TMEM217B: variants seen among roughly 807,000 people sequenced by gnomAD.
The protein encoded by TMEM217B is transmembrane protein 217B, also known as putative transmembrane protein 217B.
the TMEM217B span, among the ~76,000 whole-genome samples, chr6:37,230,650 C>T: frequency 1.3e-5 from 2 of 152,116 alleles, no homozygotes; most frequent in South Asian, 2.1e-4. Context: ...AAAACCCCAA[C>T]GCTACTGACA....
chr6:37,250,979 G>T, the TMEM217B span, among the ~76,000 whole-genome samples: 1 of 152,182 alleles, frequency 6.6e-6, no homozygotes, highest in African/African-American at 2.4e-5. Flanking sequence ...GATGAAGGTA[G>T]ATTACTGCCC....
At chr6:37,220,004 G>A in the TMEM217B span, among the ~76,000 whole-genome samples, 2 of 152,128 alleles carry the variant, frequency 1.3e-5, no homozygotes, top group African/African-American at 4.8e-5. Flanking sequence ...GGATAGACTA[G>A]CCTTATAATA....
chr6:37,238,477 G>A, the TMEM217B span, among the ~76,000 whole-genome samples: 3 of 152,122 alleles, frequency 2.0e-5, no homozygotes, highest in Non-Finnish European at 2.9e-5. Flanking sequence ...AATGAGCCCA[G>A]ACCCAGGCAA....
At chr6:37,224,250 C>T in the TMEM217B span, among the ~76,000 whole-genome samples, 1 of 151,594 alleles carries the variant, frequency 6.6e-6, no homozygotes, top group African/African-American at 2.4e-5. Context: ...CTGCCTCAGC[C>T]TTTTAACTAG....
the TMEM217B span, chr6:37,257,699 G>T: frequency 1.8e-6 from 1 of 542,980 alleles, no homozygotes; most frequent in Non-Finnish European, 3.2e-6. Flanking sequence ...CAGGATTCCG[G>T]CTCCCAATTG....
At chr6:37,224,060 C>T in the TMEM217B span, among the ~76,000 whole-genome samples, 430 of 151,618 alleles carry the variant, frequency 2.8e-3, 2 homozygotes, top group African/African-American at 7.4e-3. Flanking sequence ...CCTCAGCCTC[C>T]CGAGTAGCTG....
chr6:37,215,251 G>A, the TMEM217B span: 2 of 1,613,878 alleles, frequency 1.2e-6, no homozygotes, highest in East Asian at 4.5e-5. Flanking sequence ...CTTGGCACTG[G>A]AGACAGACAG....
At chr6:37,238,943 A>G in the TMEM217B span, among the ~76,000 whole-genome samples, 3 of 152,124 alleles carry the variant, frequency 2.0e-5, no homozygotes, top group East Asian at 5.8e-4. Flanking sequence ...CCAGCCAGCC[A>G]ACAGGGTGAA....
the TMEM217B span, among the ~76,000 whole-genome samples, chr6:37,239,257 G>A: frequency 1.6e-3 from 251 of 152,280 alleles, no homozygotes; most frequent in African/African-American, 5.9e-3. Context: ...GGGAGGCCAA[G>A]GTGGGCATAT....
the TMEM217B span, among the ~76,000 whole-genome samples, chr6:37,228,658 C>T: frequency 1.3e-5 from 2 of 149,386 alleles, no homozygotes; most frequent in Admixed American, 1.3e-4. Context: ...GAGCCGAGAT[C>T]GCGCCACTGC....
At chr6:37,231,198 T>C in the TMEM217B span, among the ~76,000 whole-genome samples, 1 of 151,018 alleles carries the variant, frequency 6.6e-6, no homozygotes, top group Non-Finnish European at 1.5e-5. Flanking sequence ...TAGCTGGGAT[T>C]ACAGGTGCAA....
chr6:37,221,764 C>T, the TMEM217B span, among the ~76,000 whole-genome samples: 43 of 152,276 alleles, frequency 2.8e-4, 1 homozygote, highest in South Asian at 6.2e-4. Flanking sequence ...ATGAGGTACA[C>T]AGACAAGTGA....
the TMEM217B span, among the ~76,000 whole-genome samples, chr6:37,231,566 G>C: frequency 1.3e-5 from 2 of 149,298 alleles, no homozygotes; most frequent in African/African-American, 4.9e-5. Flanking sequence ...CCAGCTATTC[G>C]GGAGGCTGAG....
the TMEM217B span, among the ~76,000 whole-genome samples, chr6:37,250,861 G>T: frequency 6.6e-6 from 1 of 152,176 alleles, no homozygotes; most frequent in Non-Finnish European, 1.5e-5. Context: ...TAACTCACTA[G>T]TAGTTGATGC....
At chr6:37,215,396 GA>G in the TMEM217B span, 1 of 1,270,032 alleles carries the variant, frequency 7.9e-7, no homozygotes, top group Non-Finnish European at 1.0e-6. Flanking sequence ...CCAACATGGT[GA>G]AACCCCATCT....
At chr6:37,218,690 A>G in the TMEM217B span, 1 of 1,614,176 alleles carries the variant, frequency 6.2e-7, no homozygotes, top group East Asian at 2.2e-5. Flanking sequence ...ATTGTTGGTG[A>G]GGATTTGTAT....
chr6:37,238,873 G>A, the TMEM217B span, among the ~76,000 whole-genome samples: 2 of 152,180 alleles, frequency 1.3e-5, no homozygotes, highest in African/African-American at 2.4e-5. Flanking sequence ...GCTCACGCCT[G>A]TAATCCCAGC....
At chr6:37,240,380 C>T in the TMEM217B span, among the ~76,000 whole-genome samples, 1 of 152,206 alleles carries the variant, frequency 6.6e-6, no homozygotes, top group Non-Finnish European at 1.5e-5. Flanking sequence ...CAGGAAGCCA[C>T]AGTTCTTTCT....
At chr6:37,232,621 G>A in the TMEM217B span, among the ~76,000 whole-genome samples, 1 of 152,128 alleles carries the variant, frequency 6.6e-6, no homozygotes, top group African/African-American at 2.4e-5. Context: ...CTCTGCAACA[G>A]CTAGTCCAAG....
Sources: allele counts gnomAD v4.1 joint callset (sites outside exome capture counted in the v4.1 genomes callset), GRCh38; gene constraint gnomAD v4.1.1; transcripts MANE v1.5; gene names NCBI Gene and HGNC (gene_info 2026-07-23, HGNC 2026-07-21).